Variants in SETBP1 observed in about 807,000 individuals in gnomAD.
SETBP1 encodes SET-binding protein.
In SETBP1, 9 loss-of-function variants were observed where a neutral mutation model predicts 101.0. The observed-to-expected ratio is 0.09, with a 90% confidence interval of 0.05 to 0.16. The LOEUF (loss-of-function observed/expected upper bound fraction) is 0.16. SETBP1 is among the 10% of genes least tolerant of loss of function. The pLI is 1.00. For missense variants in SETBP1, 1,858 were observed against 2,033.8 expected, an observed-to-expected ratio of 0.91 and a Z score of 1.66; for synonymous variants, 818 against 788.5, an observed-to-expected ratio of 1.04 and a Z score of -0.63.
At chr18:44,742,183 G>T (rs911625731) in intron 2 of SETBP1, among the ~76,000 whole-genome samples, 1 of 152,174 alleles carries the variant, frequency 6.6e-6, no homozygotes, top group African/African-American at 2.4e-5. Context: ...CAACCTTGCT[G>T]TCTCCATTAA....
chr18:44,832,512 A>G (rs1206842128), intron 2 of SETBP1, among the ~76,000 whole-genome samples: 1 of 152,224 alleles, frequency 6.6e-6, no homozygotes, highest in Non-Finnish European at 1.5e-5. Flanking sequence ...GTATGGCTGA[A>G]TTTCCTCCAA....
intron 4 of SETBP1, among the ~76,000 whole-genome samples, chr18:44,961,676 A>G (rs1364438188): frequency 6.6e-6 from 1 of 152,194 alleles, no homozygotes. Flanking sequence ...CAAAAAGGCC[A>G]TGTGTAGAAA....
At chr18:44,886,110 A>C (rs1033898773) in intron 3 of SETBP1, among the ~76,000 whole-genome samples, 1 of 152,062 alleles carries the variant, frequency 6.6e-6, no homozygotes, top group South Asian at 2.1e-4. Flanking sequence ...CCATGTCCCA[A>C]AGTATGTTAT....
intron 4 of SETBP1, among the ~76,000 whole-genome samples, chr18:45,023,617 C>T (rs1686895796): frequency 6.6e-6 from 1 of 152,176 alleles, no homozygotes; most frequent in African/African-American, 2.4e-5. Flanking sequence ...TTCCAGCGTT[C>T]AGAGAGTTCG....
At chr18:45,024,984 C>T (rs976224952) in intron 4 of SETBP1, among the ~76,000 whole-genome samples, 2 of 152,274 alleles carry the variant, frequency 1.3e-5, no homozygotes, top group African/African-American at 2.4e-5. Context: ...TGAAGGGAGC[C>T]GCCTGGAGGC....
chr18:44,929,022 T>G (rs1019254541), intron 3 of SETBP1, among the ~76,000 whole-genome samples: 4 of 152,222 alleles, frequency 2.6e-5, no homozygotes, highest in African/African-American at 9.6e-5. Flanking sequence ...ATGTCGTGAA[T>G]AGTATTGCCT....
intron 2 of SETBP1, among the ~76,000 whole-genome samples, chr18:44,858,794 A>G (rs2073023909): frequency 6.6e-6 from 1 of 152,190 alleles, no homozygotes; most frequent in Non-Finnish European, 1.5e-5. Flanking sequence ...CATGTTTCAT[A>G]CCTGTGGTAA....
At chr18:44,855,140 T>C (rs1197714682) in intron 2 of SETBP1, among the ~76,000 whole-genome samples, 1 of 152,208 alleles carries the variant, frequency 6.6e-6, no homozygotes, top group Non-Finnish European at 1.5e-5. Context: ...CTCTGCTTTT[T>C]CTTTCTGCTT....
At chr18:44,937,501 G>T (rs969482440) in intron 3 of SETBP1, among the ~76,000 whole-genome samples, 1 of 149,446 alleles carries the variant, frequency 6.7e-6, no homozygotes, top group African/African-American at 2.5e-5. Context: ...CTAGTTTCTA[G>T]ACAAGGAAGC....
intron 2 of SETBP1, among the ~76,000 whole-genome samples, chr18:44,857,603 C>G (rs149639602): frequency 1.3e-5 from 2 of 152,248 alleles, no homozygotes; most frequent in African/African-American, 4.8e-5. Context: ...AAAGGGCTTT[C>G]AGACTAACTT....
At chr18:44,842,526 A>C (rs946443208) in intron 2 of SETBP1, among the ~76,000 whole-genome samples, 1 of 152,204 alleles carries the variant, frequency 6.6e-6, no homozygotes, top group Non-Finnish European at 1.5e-5. Context: ...AAGGGCATCA[A>C]TCTGGTGCCT....
intron 2 of SETBP1, among the ~76,000 whole-genome samples, chr18:44,715,867 G>A (rs567259314): frequency 1.1e-3 from 164 of 152,254 alleles, no homozygotes; most frequent in Middle Eastern, 3.4e-3. Context: ...TTGGAAGTGG[G>A]CGCGTCCAGA....
chr18:44,708,079 G>A (rs1392136339), intron 2 of SETBP1, among the ~76,000 whole-genome samples: 2 of 152,248 alleles, frequency 1.3e-5, no homozygotes, highest in Non-Finnish European at 2.9e-5. Flanking sequence ...GGCAGAGGGT[G>A]AGGGGTGGCT....
intron 4 of SETBP1, among the ~76,000 whole-genome samples, chr18:45,001,514 G>A (rs894146422): frequency 9.9e-5 from 15 of 152,122 alleles, no homozygotes; most frequent in Non-Finnish European, 1.2e-4. Context: ...CGAAGAGGTG[G>A]GGAGCTGTTC....
chr18:45,028,097 G>C (rs2073207585), intron 4 of SETBP1, among the ~76,000 whole-genome samples: 1 of 151,712 alleles, frequency 6.6e-6, no homozygotes, highest in Non-Finnish European at 1.5e-5. Flanking sequence ...TGCCATGCTG[G>C]CGTGCTGCAC....
chr18:44,898,217 A>G (rs752597607), intron 3 of SETBP1, among the ~76,000 whole-genome samples: 1 of 152,176 alleles, frequency 6.6e-6, no homozygotes, highest in Non-Finnish European at 1.5e-5. Context: ...TTGATTCTAT[A>G]TATTTATAAC....
chr18:45,001,668 A>T (rs1389919043), intron 4 of SETBP1, among the ~76,000 whole-genome samples: 1 of 152,182 alleles, frequency 6.6e-6, no homozygotes, highest in African/African-American at 2.4e-5. Context: ...ATTACTTTAT[A>T]GATGTGTTCT....
At chr18:44,696,268 T>C (rs531091338) in intron 1 of SETBP1, among the ~76,000 whole-genome samples, 1 of 152,216 alleles carries the variant, frequency 6.6e-6, no homozygotes, top group South Asian at 2.1e-4. Flanking sequence ...AATACCCTCA[T>C]GTACTCAATA....
chr18:44,794,128 A>G (rs2071422183), intron 2 of SETBP1, among the ~76,000 whole-genome samples: 1 of 152,166 alleles, frequency 6.6e-6, no homozygotes, highest in Non-Finnish European at 1.5e-5. Flanking sequence ...GGAGGGCTAA[A>G]TAAGAGGGGG....
Sources: allele counts gnomAD v4.1 joint callset (sites outside exome capture counted in the v4.1 genomes callset), GRCh38; gene constraint gnomAD v4.1.1; transcripts MANE v1.5; gene names NCBI Gene and HGNC (gene_info 2026-07-23, HGNC 2026-07-21).